CMTM8: variants seen among roughly 807,000 people sequenced by gnomAD.
CMTM8 encodes the protein CKLF-like MARVEL transmembrane domain-containing protein 8.
Under a neutral mutation model 18.6 loss-of-function variants are expected in CMTM8, and 12 were observed. The observed-to-expected ratio is 0.65, with a 90% CI of 0.41 to 1.05. The LOEUF (loss-of-function observed/expected upper bound fraction) is 1.05. CMTM8 is among the 50% of genes least tolerant of loss of function. The pLI is 0.00. For synonymous variants in CMTM8, 87 were observed against 90.6 expected, an observed-to-expected ratio of 0.96 and a Z score of 0.23; for missense variants, 217 against 227.2, an observed-to-expected ratio of 0.95 and a Z score of 0.29.
chr3:32,289,264 C>T (rs1334037937), intron 1 of CMTM8, among the ~76,000 whole-genome samples: 15 of 152,222 alleles, frequency 9.9e-5, no homozygotes, highest in Admixed American at 9.8e-4. Flanking sequence ...GATTAACCTT[C>T]TCTTTAAAAA....
rs368357190 is a variant in CMTM8, at chr3:32,304,825, A to G, written c.148-52548A>G. Among the ~76,000 whole-genome samples the G allele has an allele frequency of 3.3e-5, 5 of 152,382 alleles. No homozygotes were observed. In the East Asian group the frequency reaches 9.7e-4, roughly 29 times the overall value. The stretch of plus-strand genomic sequence containing the variant: ...AAACAGCTTCTGCAGTATAACAGAA[A>G]TCAGCAGCCTATGCCATTGACTTAA... On this transcript the variant is annotated intron_variant, in intron 1 of 3. Coordinates refer to ENST00000307526, the MANE Select transcript of CMTM8 (RefSeq NM_178868.5).
At chr3:32,327,561 T>C (rs943260897) in intron 1 of CMTM8, among the ~76,000 whole-genome samples, 6 of 152,230 alleles carry the variant, frequency 3.9e-5, no homozygotes, top group South Asian at 2.1e-4. Flanking sequence ...CCAAGCAAAA[T>C]TGGATTTTTC....
chr3:32,255,328 C>G (rs1347775659), intron 1 of CMTM8, among the ~76,000 whole-genome samples: 2 of 152,178 alleles, frequency 1.3e-5, no homozygotes, highest in African/African-American at 4.8e-5. Context: ...CTCCATTTAA[C>G]TTTTTGAGGA....
intron 1 of CMTM8, among the ~76,000 whole-genome samples, chr3:32,349,631 G>C (rs116572339): frequency 2.1e-4 from 32 of 152,252 alleles, no homozygotes; most frequent in African/African-American, 7.5e-4. Context: ...CACAGCTGCT[G>C]GCATCAAGTA....
intron 1 of CMTM8, among the ~76,000 whole-genome samples, chr3:32,289,840 G>A (rs1020583531): frequency 2.0e-5 from 3 of 152,160 alleles, no homozygotes; most frequent in Admixed American, 1.3e-4. Context: ...AAGGATGGGG[G>A]AAAAAGGAGG....
intron 1 of CMTM8, among the ~76,000 whole-genome samples, chr3:32,270,101 G>T (rs7633116): frequency 0.99 from 150,669 of 152,046 alleles, 74,676 homozygotes; most frequent in Middle Eastern, 1. Context: ...AAATTTTTTT[G>T]TGTGGAGATA....
At chr3:32,337,914 G>A (rs1382607557) in intron 1 of CMTM8, among the ~76,000 whole-genome samples, 1 of 149,918 alleles carries the variant, frequency 6.7e-6, no homozygotes, top group East Asian at 2.0e-4. Flanking sequence ...TACAGTGGCA[G>A]AACTGAGTAG....
Position 32,259,535 on chromosome 3 carries a change from G to A in CMTM8, c.147+20416G>A, listed in dbSNP as rs1028775825. On this transcript the variant is annotated intron_variant, in intron 1 of 3. Coordinates refer to ENST00000307526, the MANE Select transcript of CMTM8 (RefSeq NM_178868.5). ...CACCAATGTCACTCGGCTGCAGCTG[G>A]AGACAGAGATCGAGGCTCTCAAGAA... is the stretch of plus-strand genomic sequence containing the variant. 99 of 794,034 alleles carry A rather than the reference G, an allele frequency of 1.2e-4. 1 individual carries two copies. The African/African-American group carries it at 1.5e-3, about 12-fold the overall frequency. 49.2% of individuals were successfully genotyped at this position (794,034 alleles called of 1,614,324 possible). A position where few individuals can be genotyped will look rare whatever the true frequency, so the allele number is the denominator to read the frequency against.
intron 1 of CMTM8, among the ~76,000 whole-genome samples, chr3:32,298,944 T>C (rs1285621263): frequency 3.7e-5 from 5 of 134,832 alleles, no homozygotes; most frequent in African/African-American, 5.4e-5. Flanking sequence ...TATATATGTA[T>C]ATATATATAT....
rs765605732 is a variant in CMTM8, at chr3:32,367,877, G to A, written c.327G>A (p.Leu109=). 1 of 1,612,888 alleles carries A rather than the reference G, an allele frequency of 6.2e-7. No homozygotes were observed. ...IPQVPWTTVG[L]CFNGSAFVLY... ...CTGCCCCTGTGTCCCCCCAGGGCCT[G>A]TGCTTTAACGGCAGTGCCTTCGTCT... Residue 109 remains leucine, a synonymous_variant, in exon 3 of 4, where the codon CTG becomes CTA. Transcript: ENST00000307526.
intron 1 of CMTM8, among the ~76,000 whole-genome samples, chr3:32,249,133 T>A (rs573996989): frequency 6.7e-6 from 1 of 149,092 alleles, no homozygotes; most frequent in East Asian, 2.0e-4. Context: ...AATCTTTATG[T>A]TTAATATTGA....
At chr3:32,330,830 A>G (rs1363827573) in intron 1 of CMTM8, among the ~76,000 whole-genome samples, 4 of 152,242 alleles carry the variant, frequency 2.6e-5, no homozygotes, top group African/African-American at 9.6e-5. Context: ...CACCATGTAT[A>G]AAAATTAACT....
At chr3:32,302,835 A>T in intron 1 of CMTM8, among the ~76,000 whole-genome samples, 1 of 152,208 alleles carries the variant, frequency 6.6e-6, no homozygotes, top group East Asian at 1.9e-4. Context: ...GAAGTCTGTA[A>T]CTTCAGGATC....
chr3:32,248,514 A>G (rs1200520967), intron 1 of CMTM8, among the ~76,000 whole-genome samples: 3 of 152,016 alleles, frequency 2.0e-5, no homozygotes, highest in African/African-American at 7.2e-5. Context: ...GGCACCCGCC[A>G]CCACACCTGG....
In CMTM8 at chr3:32,343,042, G is replaced by T. The variant is rs775693811; in HGVS notation, c.148-14331G>T. ...GCCTCTCAGTCTGCTATTACCATGT[G>T]CGGTAGTGTCACCTCAGCGAGAGAG... On this transcript the variant is annotated intron_variant, in intron 1 of 3. Transcript: ENST00000307526. Among the ~76,000 whole-genome samples the T allele has an allele frequency of 9.9e-4, 151 of 152,298 alleles. 3 individuals are homozygous for T. The highest frequency in any genetic ancestry group is 3.5e-4 in the Non-Finnish European group (24 of 68,030).
At chr3:32,323,502 T>G (rs1019065042) in intron 1 of CMTM8, among the ~76,000 whole-genome samples, 2 of 152,208 alleles carry the variant, frequency 1.3e-5, no homozygotes, top group Non-Finnish European at 2.9e-5. Flanking sequence ...AAGGTAACCT[T>G]GTAACTTTTA....
rs183051757 is a variant in CMTM8 at position 32,342,615 on chromosome 3, A to G, written c.148-14758A>G. 2.3e-3 allele frequency among the ~76,000 whole-genome samples: 343 copies of G among 152,320 alleles called. 2 individuals are homozygous for G. The highest frequency in any genetic ancestry group is 4.0e-3 in the Non-Finnish European group (272 of 68,030). On this transcript the variant is annotated intron_variant, in intron 1 of 3. Coordinates refer to ENST00000307526, the MANE Select transcript of CMTM8 (RefSeq NM_178868.5). ...ACATTCACAGTTCACTTAGCCTGAC[A>G]TCGTGTTGGCATTATTACTCATGAG... is the stretch of plus-strand genomic sequence containing the variant.
At chr3:32,301,018 C>T (rs1695602857) in intron 1 of CMTM8, among the ~76,000 whole-genome samples, 1 of 151,762 alleles carries the variant, frequency 6.6e-6, no homozygotes, top group Admixed American at 6.6e-5. Flanking sequence ...AAAAATCATC[C>T]TTCACTTGCA....
intron 1 of CMTM8, among the ~76,000 whole-genome samples, chr3:32,351,683 G>C (rs936842407): frequency 6.6e-6 from 1 of 151,722 alleles, no homozygotes; most frequent in African/African-American, 2.4e-5. Context: ...CTGCACTCCA[G>C]CCTGGGCAAC....
Sources: allele counts gnomAD v4.1 joint callset (sites outside exome capture counted in the v4.1 genomes callset), GRCh38; gene constraint gnomAD v4.1.1; transcripts MANE v1.5; gene names NCBI Gene and HGNC (gene_info 2026-07-23, HGNC 2026-07-21).